LINGO2: variants seen among roughly 807,000 people sequenced by gnomAD.
LINGO2 encodes the protein leucine rich repeat and Ig domain containing 2.
A neutral mutation model predicts 30.6 loss-of-function variants in LINGO2; 14 were observed. The observed-to-expected ratio is 0.46, with a 90% confidence interval of 0.30 to 0.72. The LOEUF is 0.72. LINGO2 is among the 30% of genes least tolerant of loss of function. The pLI, the probability that LINGO2 is intolerant of heterozygous loss-of-function variation, is 0.07. For synonymous variants in LINGO2, 317 were observed against 288.5 expected (o/e 1.10, Z -1.00); for missense variants, 729 against 751.7 (o/e 0.97, Z 0.35).
intron 4 of LINGO2, among the ~76,000 whole-genome samples, chr9:28,122,789 A>C (rs1031948541): frequency 6.6e-6 from 1 of 152,210 alleles, no homozygotes; most frequent in Non-Finnish European, 1.5e-5. Context: ...ATAAGAGTTC[A>C]ATTACATTAA....
At chr9:29,001,156 C>T in the LINGO2 span, among the ~76,000 whole-genome samples, 1 of 151,756 alleles carries the variant, frequency 6.6e-6, no homozygotes, top group African/African-American at 2.4e-5. Flanking sequence ...ATTACTTACT[C>T]TGGATCATAG....
chr9:28,710,058 G>A, the LINGO2 span, among the ~76,000 whole-genome samples: 3 of 150,670 alleles, frequency 2.0e-5, no homozygotes, highest in African/African-American at 7.3e-5. Context: ...TGGTTTGAAT[G>A]TTTGTGTCTC....
At chr9:28,619,787 T>C (rs1286860540) in intron 1 of LINGO2, among the ~76,000 whole-genome samples, 1 of 152,126 alleles carries the variant, frequency 6.6e-6, no homozygotes, top group Non-Finnish European at 1.5e-5. Context: ...GGTAGTAATT[T>C]CTTTGAAACA....
chr9:28,813,316 C>T, the LINGO2 span, among the ~76,000 whole-genome samples: 18 of 152,162 alleles, frequency 1.2e-4, no homozygotes, highest in African/African-American at 2.7e-4. Context: ...ATGTACTTAA[C>T]GTTTAATTCA....
chr9:29,199,404 A>G, the LINGO2 span, among the ~76,000 whole-genome samples: 1 of 152,118 alleles, frequency 6.6e-6, no homozygotes, highest in East Asian at 1.9e-4. Flanking sequence ...AAAATCATTG[A>G]AAAAGAAAGA....
chr9:29,023,773 A>C, the LINGO2 span, among the ~76,000 whole-genome samples: 3 of 152,170 alleles, frequency 2.0e-5, no homozygotes, highest in Non-Finnish European at 4.4e-5. Context: ...ATCTAAAGGC[A>C]AGTAATTTCA....
intron 1 of LINGO2, among the ~76,000 whole-genome samples, chr9:28,500,076 C>A (rs894065394): frequency 2.1e-4 from 32 of 152,112 alleles, no homozygotes; most frequent in Non-Finnish European, 3.8e-4. Flanking sequence ...GAGTCATCTG[C>A]CCTTCTCCCT....
chr9:28,086,637 C>T (rs1057195287), intron 4 of LINGO2, among the ~76,000 whole-genome samples: 7 of 151,208 alleles, frequency 4.6e-5, no homozygotes, highest in African/African-American at 9.7e-5. Context: ...TGTCAGAAAA[C>T]GGTCTTGATG....
At chr9:27,993,386 G>C (rs1483735811) in intron 5 of LINGO2, among the ~76,000 whole-genome samples, 1 of 151,964 alleles carries the variant, frequency 6.6e-6, no homozygotes, top group Non-Finnish European at 1.5e-5. Context: ...ATCAATAAAA[G>C]CCCAGGCTGG....
At chr9:28,726,956 A>C in the LINGO2 span, among the ~76,000 whole-genome samples, 12 of 152,088 alleles carry the variant, frequency 7.9e-5, no homozygotes, top group Non-Finnish European at 1.5e-4. Flanking sequence ...TTAGCCACTA[A>C]ATATATTGAT....
At chr9:28,405,325 G>C (rs10812809) in intron 2 of LINGO2, among the ~76,000 whole-genome samples, 17,459 of 152,052 alleles carry the variant, frequency 0.11, 1,144 homozygotes, top group East Asian at 0.24. Flanking sequence ...AAATAGAATT[G>C]GGTCCTTCAA....
At chr9:28,002,193 C>T (rs1038632458) in intron 5 of LINGO2, among the ~76,000 whole-genome samples, 58 of 152,246 alleles carry the variant, frequency 3.8e-4, no homozygotes, top group African/African-American at 1.3e-3. Context: ...GATTTATACA[C>T]TAATATTTTA....
chr9:28,206,452 T>C lies in LINGO2; in HGVS notation c.-87+88756A>G, dbSNP rs78507013. ...GCTTTGTGATAAAATGTCTGTCACT[T>C]TGAGAAATGTCTCAGCCTGCACTGT... On this transcript the variant is annotated intron_variant, in intron 4 of 5. Transcript: ENST00000379992. Among the ~76,000 whole-genome samples the C allele has an allele frequency of 3.5e-3, 534 of 152,318 alleles. 3 individuals carry two copies. The highest frequency in any genetic ancestry group is 0.012 in the African/African-American group (516 of 41,568).
intron 3 of LINGO2, among the ~76,000 whole-genome samples, chr9:28,366,017 T>C (rs79665018): frequency 0.018 from 2,750 of 152,254 alleles, 69 homozygotes; most frequent in African/African-American, 0.061. Flanking sequence ...TCACCCTTAC[T>C]TTGAACTTTT....
chr9:29,165,017 C>G, the LINGO2 span, among the ~76,000 whole-genome samples: 10 of 152,024 alleles, frequency 6.6e-5, no homozygotes, highest in African/African-American at 2.4e-5. Flanking sequence ...ATGAAAATCT[C>G]TTTTAACCTT....
At chr9:28,260,443 C>T (rs1822526593) in intron 4 of LINGO2, among the ~76,000 whole-genome samples, 2 of 151,766 alleles carry the variant, frequency 1.3e-5, no homozygotes, top group African/African-American at 4.8e-5. Flanking sequence ...AGGATCCTTC[C>T]CTAAGATACC....
chr9:29,142,335 T>C, the LINGO2 span, among the ~76,000 whole-genome samples: 1 of 151,694 alleles, frequency 6.6e-6, no homozygotes, highest in South Asian at 2.1e-4. Flanking sequence ...GCAACTAAAC[T>C]TAAAAATATC....
At chr9:28,084,575 T>C (rs1041901192) in intron 4 of LINGO2, among the ~76,000 whole-genome samples, 1 of 152,116 alleles carries the variant, frequency 6.6e-6, no homozygotes, top group African/African-American at 2.4e-5. Flanking sequence ...GAGGTAGACT[T>C]TCTTATTCCT....
the LINGO2 span, among the ~76,000 whole-genome samples, chr9:28,932,755 G>C: frequency 6.6e-6 from 1 of 151,890 alleles, no homozygotes; most frequent in Non-Finnish European, 1.5e-5. Flanking sequence ...TTGCAAAGTT[G>C]TATCAATTTA....
Sources: allele counts gnomAD v4.1 joint callset (sites outside exome capture counted in the v4.1 genomes callset), GRCh38; gene constraint gnomAD v4.1.1; transcripts MANE v1.5; gene names NCBI Gene and HGNC (gene_info 2026-07-23, HGNC 2026-07-21).